Variants in ADRA1B observed in about 807,000 individuals in gnomAD.
ADRA1B encodes the protein adrenoceptor alpha 1B.
In ADRA1B, 17 loss-of-function variants were observed where a neutral mutation model predicts 17.9. The observed-to-expected ratio is 0.95, with a 90% CI of 0.65 to 1.42. The LOEUF (loss-of-function observed/expected upper bound fraction) is 1.42. ADRA1B is among the 40% of genes most tolerant of loss of function. ADRA1B has a pLI of 0.00. For missense variants in ADRA1B, 681 were observed against 722.1 expected, an observed-to-expected ratio of 0.94 and a Z score of 0.65; for synonymous variants, 366 against 327.6, an observed-to-expected ratio of 1.12 and a Z score of -1.27.
At chr5:159,926,840 TTGCACCAC>T (rs540881069) in intron 1 of ADRA1B, among the ~76,000 whole-genome samples, 43 of 152,158 alleles carry the variant, frequency 2.8e-4, no homozygotes, top group African/African-American at 9.4e-4. Flanking sequence ...TGAGCCAAGA[TTGCACCAC>T]TGCACTTCAG....
At chr5:159,969,727 T>C (rs962551990) in intron 1 of ADRA1B, among the ~76,000 whole-genome samples, 1 of 152,166 alleles carries the variant, frequency 6.6e-6, no homozygotes, top group African/African-American at 2.4e-5. Flanking sequence ...GACAGAGACA[T>C]GGTTAGAAGA....
chr5:159,960,000 A>G (rs1343513011), intron 1 of ADRA1B, among the ~76,000 whole-genome samples: 1 of 152,232 alleles, frequency 6.6e-6, no homozygotes, highest in Non-Finnish European at 1.5e-5. Flanking sequence ...ATACACTCAC[A>G]GCTTCCATTT....
At chr5:159,943,449 A>G (rs911949765) in intron 1 of ADRA1B, among the ~76,000 whole-genome samples, 1 of 152,174 alleles carries the variant, frequency 6.6e-6, no homozygotes, top group Admixed American at 6.5e-5. Context: ...CCACGGGGCC[A>G]GTTCCTCTAG....
intron 1 of ADRA1B, among the ~76,000 whole-genome samples, chr5:159,960,722 A>C (rs569963936): frequency 1.3e-5 from 2 of 152,150 alleles, no homozygotes; most frequent in African/African-American, 4.8e-5. Flanking sequence ...AAAAAAAAAA[A>C]AAAAAGCAGA....
At chr5:159,904,406 C>T in intron 1 of ADRA1B, among the ~76,000 whole-genome samples, 1 of 152,192 alleles carries the variant, frequency 6.6e-6, no homozygotes, top group African/African-American at 2.4e-5. Context: ...AGGAGACCTG[C>T]TTTAATTCAA....
intron 1 of ADRA1B, among the ~76,000 whole-genome samples, chr5:159,892,472 G>A (rs1041073368): frequency 1.3e-5 from 2 of 152,044 alleles, no homozygotes; most frequent in Admixed American, 1.3e-4. Flanking sequence ...TCTTCCTGAT[G>A]CTCTCCCTTC....
At chr5:159,922,886 G>GA (rs1754528180) in intron 1 of ADRA1B, among the ~76,000 whole-genome samples, 1 of 152,272 alleles carries the variant, frequency 6.6e-6, no homozygotes, top group Admixed American at 6.5e-5. Flanking sequence ...AAACACACAT[G>GA]CACAAACAAA....
At chr5:159,974,316 A>C (rs1755939530), downstream of ADRA1B, among the ~76,000 whole-genome samples, 1 of 152,202 alleles carries the variant, frequency 6.6e-6, no homozygotes, top group African/African-American at 2.4e-5. Context: ...AAGATTGCCC[A>C]GCAGTTCTGT....
chr5:159,981,085 C>T, the ADRA1B span, among the ~76,000 whole-genome samples: 1 of 152,164 alleles, frequency 6.6e-6, no homozygotes, highest in Admixed American at 6.5e-5. Flanking sequence ...CTCAAACTTT[C>T]CAACTGCAAC....
chr5:159,986,332 A>T, the ADRA1B span, among the ~76,000 whole-genome samples: 1 of 152,184 alleles, frequency 6.6e-6, no homozygotes, highest in African/African-American at 2.4e-5. Flanking sequence ...GCCTCAAGTG[A>T]TCCTCCTGCC....
intron 1 of ADRA1B, among the ~76,000 whole-genome samples, chr5:159,866,495 G>A (rs998707658): frequency 6.6e-6 from 1 of 151,494 alleles, no homozygotes; most frequent in African/African-American, 2.4e-5. Context: ...GCTGAGGCAG[G>A]AGAATCACTG....
intron 1 of ADRA1B, among the ~76,000 whole-genome samples, chr5:159,900,705 T>C (rs1754091571): frequency 6.6e-6 from 1 of 152,194 alleles, no homozygotes; most frequent in South Asian, 2.1e-4. Context: ...CCTTCTGCCA[T>C]ACCCCCCACT....
intron 1 of ADRA1B, among the ~76,000 whole-genome samples, chr5:159,905,996 A>G (rs540854290): frequency 1.3e-5 from 2 of 152,260 alleles, no homozygotes; most frequent in South Asian, 4.2e-4. Flanking sequence ...CTGGGATTAC[A>G]GGCACACAGC....
At position 159,952,458 on chromosome 5, in the gene ADRA1B, G is replaced by A. The variant is rs549080257; in HGVS notation, c.950-19421G>A. 2.4e-4 allele frequency among the ~76,000 whole-genome samples: 37 copies of A among 152,262 alleles called. 1 individual carries two copies. Among genetic ancestry groups the A allele is most frequent in the African/African-American group, 7.7e-4 (32 of 41,556 alleles). On this transcript the variant is annotated intron_variant, in intron 1 of 1. Transcript: ENST00000306675. ...TCAGGTAACTGAAAGCATGGATGGC[G>A]AAACTGTGGATATGGGGGAAACTAC...
chr5:159,874,710 C>A (rs796113039), intron 1 of ADRA1B, among the ~76,000 whole-genome samples: 46 of 152,290 alleles, frequency 3.0e-4, no homozygotes, highest in African/African-American at 1.1e-3. Context: ...ATTAAACAAC[C>A]TGTGTGGGTC....
intron 1 of ADRA1B, among the ~76,000 whole-genome samples, chr5:159,969,877 C>G (rs1332524224): frequency 6.6e-6 from 1 of 151,838 alleles, no homozygotes; most frequent in Non-Finnish European, 1.5e-5. Context: ...AATAGTTTCT[C>G]TTTTTGCATT....
chr5:159,870,269 C>T (rs1220477542), intron 1 of ADRA1B: 2 of 152,222 alleles, frequency 1.3e-5, no homozygotes, highest in African/African-American at 4.8e-5. Context: ...TCACGCTTGA[C>T]TTATTTTAAG....
chr5:159,962,161 G>A (rs1755675119), intron 1 of ADRA1B, among the ~76,000 whole-genome samples: 1 of 152,106 alleles, frequency 6.6e-6, no homozygotes, highest in African/African-American at 2.4e-5. Context: ...TTGCACCACT[G>A]TGCTCCAGCC....
At chr5:159,893,101 A>G (rs1754003443) in intron 1 of ADRA1B, among the ~76,000 whole-genome samples, 2 of 152,158 alleles carry the variant, frequency 1.3e-5, no homozygotes. Context: ...TAATTAATGG[A>G]ATTAATTAAT....
Sources: gnomAD v4.1 joint callset for allele counts (sites outside exome capture counted in the v4.1 genomes callset) on GRCh38, gnomAD v4.1.1 for gene constraint, MANE v1.5 for transcripts, NCBI Gene and HGNC (gene_info 2026-07-23, HGNC 2026-07-21) for gene names.